Variants in HECW1 observed in about 807,000 individuals in gnomAD.
HECW1 encodes the protein HECT, C2 and WW domain containing E3 ubiquitin protein ligase 1.
HECW1 carries 61 observed loss-of-function variants against 182.3 expected under a neutral mutation model. The ratio of observed to expected loss-of-function variants is 0.33; its 90% confidence interval spans 0.27 to 0.41. HECW1 has a LOEUF of 0.41. Among genes scored for constraint, HECW1 ranks in the 10% least tolerant of loss-of-function variants. The pLI, the probability that HECW1 is intolerant of heterozygous loss-of-function variation, is 1.00. For synonymous variants in HECW1, 859 were observed against 832.6 expected (o/e 1.03, Z -0.55); for missense variants, 1,739 against 2,108.9 (o/e 0.82, Z 3.44).
chr7:43,290,465 T>C (rs964737583), intron 3 of HECW1, among the ~76,000 whole-genome samples: 1 of 152,204 alleles, frequency 6.6e-6, no homozygotes, highest in African/African-American at 2.4e-5. Context: ...GTCTATAAAA[T>C]AGAGGTCTTG....
At chr7:43,539,312 G>A (rs1315209140) in intron 24 of HECW1, among the ~76,000 whole-genome samples, 3 of 152,126 alleles carry the variant, frequency 2.0e-5, no homozygotes, top group Non-Finnish European at 4.4e-5. Context: ...CTGATTTCTG[G>A]AACTGTTGAA....
chr7:43,163,738 C>T (rs1395987749), intron 2 of HECW1, among the ~76,000 whole-genome samples: 1 of 152,148 alleles, frequency 6.6e-6, no homozygotes, highest in Non-Finnish European at 1.5e-5. Context: ...TCATTCCCTC[C>T]TTGCCTGCTA....
At chr7:43,429,318 ATATATATATATATATATAC>A (rs2152863983) in intron 8 of HECW1, among the ~76,000 whole-genome samples, 1 of 138,160 alleles carries the variant, frequency 7.2e-6, no homozygotes, top group African/African-American at 2.7e-5. Flanking sequence ...ATATATATAT[ATATATATATATATATATAC>A]ATATATGCAG....
chr7:43,444,589 C>A lies in HECW1; in HGVS notation c.1417C>A (p.Leu473Met). The A allele has an allele frequency of 6.2e-7, 1 of 1,610,952 alleles. No homozygotes were observed. Residue 473 changes from leucine to methionine, a missense_variant, in exon 11 of 30, where the codon CTG becomes ATG. This residue lies in a region of HECW1 where 971 missense variants were observed against 1,029.1 expected (regional missense o/e 0.94). Coordinates refer to ENST00000395891, the MANE Select transcript of HECW1 (RefSeq NM_015052.5). This position sits in a 1 kb window ranked among gnomAD's most constrained non-coding sequence, Gnocchi z 4.3. The stretch of plus-strand genomic sequence containing the variant: ...GGGTGAGGAGGCATCAGCACTGCTG[C>A]TGGAAGACGGTGAAGCCCCAGCCAG... ...DLGEEASALL[L>M]EDGEAPASTK...
chr7:43,287,539 T>C (rs75949354), intron 3 of HECW1, among the ~76,000 whole-genome samples: 8,244 of 152,300 alleles, frequency 0.054, 301 homozygotes, highest in Middle Eastern at 0.11. Context: ...GGTCTCACTA[T>C]ATTGCCCAGG....
At chr7:43,135,538 A>G (rs1287707129) in intron 2 of HECW1, among the ~76,000 whole-genome samples, 1 of 152,142 alleles carries the variant, frequency 6.6e-6, no homozygotes, top group Non-Finnish European at 1.5e-5. Context: ...GAAAATAAAT[A>G]TTTCTCTTGA....
At chr7:43,279,138 G>C (rs1388383438) in intron 3 of HECW1, among the ~76,000 whole-genome samples, 3 of 152,182 alleles carry the variant, frequency 2.0e-5, no homozygotes, top group Admixed American at 6.5e-5. Context: ...TTTGGTGTGG[G>C]CTTGAGGTTG....
intron 2 of HECW1, among the ~76,000 whole-genome samples, chr7:43,173,788 G>A (rs1002837331): frequency 2.6e-5 from 4 of 152,090 alleles, no homozygotes; most frequent in Non-Finnish European, 4.4e-5. Flanking sequence ...CCTCAGCTCT[G>A]GAGTGTGAAA....
intron 16 of HECW1, among the ~76,000 whole-genome samples, chr7:43,476,746 T>A (rs1482788676): frequency 1.3e-5 from 2 of 152,076 alleles, no homozygotes; most frequent in Non-Finnish European, 2.9e-5. Context: ...GAGAAAACTG[T>A]CAAACTACAA....
At chr7:43,152,946 G>A (rs1473486602) in intron 2 of HECW1, among the ~76,000 whole-genome samples, 4 of 152,110 alleles carry the variant, frequency 2.6e-5, no homozygotes, top group African/African-American at 9.7e-5. Flanking sequence ...TCTGTGCCTG[G>A]TGCCTCTTAG....
At chr7:43,326,900 T>C (rs1810865555) in intron 5 of HECW1, among the ~76,000 whole-genome samples, 1 of 152,226 alleles carries the variant, frequency 6.6e-6, no homozygotes, top group Non-Finnish European at 1.5e-5. Flanking sequence ...ACAAGCTCGC[T>C]GGGACCAGAG....
At chr7:43,493,284 T>C (rs2079000467) in intron 19 of HECW1, 104 bp downstream of exon 19, 3 of 675,720 alleles carry the variant, frequency 4.4e-6, no homozygotes. Context: ...TTATACATTG[T>C]ATTTGTGCAT....
At chr7:43,400,227 C>T (rs1270673005) in intron 7 of HECW1, among the ~76,000 whole-genome samples, 1 of 152,240 alleles carries the variant, frequency 6.6e-6, no homozygotes, top group East Asian at 1.9e-4. Flanking sequence ...CAGAGCAAGA[C>T]CCTGCTTCAA....
chr7:43,200,360 T>C (rs1794918508), intron 2 of HECW1, among the ~76,000 whole-genome samples: 1 of 152,222 alleles, frequency 6.6e-6, no homozygotes, highest in South Asian at 2.1e-4. Context: ...AATGCTTTCG[T>C]CAAAAACTTA....
intron 3 of HECW1, among the ~76,000 whole-genome samples, chr7:43,307,889 TA>T (rs1807805181): frequency 1.0e-5 from 1 of 99,606 alleles, no homozygotes. Flanking sequence ...TATATATATA[TA>T]TATATACACA....
chr7:43,444,921 CG>C lies in HECW1; in HGVS notation c.1751del (p.Gly584AlafsTer228). ...GCGGCAGCGCGGCAGAGGAGGAGGA[CG>C]GCGCGGAGGAGGAGTCCACCCTCAA... The part of the protein sequence containing the change: ...QGGSAAEEED[G>X]AEEESTLKDS... On this transcript the variant is annotated frameshift_variant, in exon 11 of 30. Transcript: ENST00000395891. LOFTEE classifies it high-confidence loss of function. The surrounding 1 kb of genome is among the most constrained non-coding windows in gnomAD (Gnocchi z 4.3). 1 of 1,595,674 alleles carries C rather than the reference CG, an allele frequency of 6.3e-7. No homozygotes were observed.
intron 2 of HECW1, among the ~76,000 whole-genome samples, chr7:43,185,521 G>A (rs1658537105): frequency 6.6e-6 from 1 of 152,222 alleles, no homozygotes; most frequent in Non-Finnish European, 1.5e-5. Context: ...CAGGTAGAGT[G>A]TCAGAATTGA....
intron 14 of HECW1, among the ~76,000 whole-genome samples, chr7:43,465,049 G>T (rs555624894): frequency 6.6e-6 from 1 of 151,922 alleles, no homozygotes; most frequent in Non-Finnish European, 1.5e-5. Flanking sequence ...TGATCCTCCC[G>T]CCTCAGCCTC....
At chr7:43,302,950 T>TGCGCGCGCGCACACAC (rs60618828) in intron 3 of HECW1, among the ~76,000 whole-genome samples, 1 of 151,594 alleles carries the variant, frequency 6.6e-6, no homozygotes, top group Non-Finnish European at 1.5e-5. Flanking sequence ...CACACACACA[T>TGCGCGCGCGCACACAC]GCGCGCACAC....
Sources: allele counts gnomAD v4.1 joint callset (sites outside exome capture counted in the v4.1 genomes callset), GRCh38; gene constraint gnomAD v4.1.1; regional missense constraint gnomAD v4.1.1; non-coding constraint Gnocchi (gnomAD v3.1); transcripts MANE v1.5; gene names NCBI Gene and HGNC (gene_info 2026-07-23, HGNC 2026-07-21).